Variants in POU2F3 observed in about 807,000 individuals in gnomAD.
POU2F3 encodes POU domain, class 2, transcription factor 3.
In POU2F3, 23 loss-of-function variants were observed where a neutral mutation model predicts 59.2. The observed-to-expected ratio is 0.39, with a 90% CI of 0.28 to 0.55. The LOEUF is 0.55. POU2F3 is among the 20% of genes least tolerant of loss of function. POU2F3 has a pLI of 0.66. For missense variants in POU2F3, 473 were observed against 544.5 expected (o/e 0.87, Z 1.31); for synonymous variants, 190 against 214.6 (o/e 0.89, Z 1.00).
chr11:120,275,934 C>T (rs898981033), intron 3 of POU2F3, among the ~76,000 whole-genome samples: 3 of 152,186 alleles, frequency 2.0e-5, no homozygotes, highest in Non-Finnish European at 4.4e-5. Flanking sequence ...CTAGCTGCTC[C>T]GAGTACAAAT....
chr11:120,282,516 C>T (rs1940611272), intron 3 of POU2F3, among the ~76,000 whole-genome samples: 1 of 152,146 alleles, frequency 6.6e-6, no homozygotes, highest in Non-Finnish European at 1.5e-5. Context: ...ACTAGCCAGG[C>T]ATGGTGGCGG....
intron 2 of POU2F3, among the ~76,000 whole-genome samples, chr11:120,248,919 G>C (rs1027489560): frequency 6.6e-6 from 1 of 152,172 alleles, no homozygotes; most frequent in African/African-American, 2.4e-5. Context: ...ATTAAGGGGT[G>C]GTTTGTCTCT....
In POU2F3 at chr11:120,318,506, T is replaced by C; in HGVS notation, c.*114T>C. On this transcript the variant is annotated 3_prime_UTR_variant, in exon 13 of 13. Transcript: ENST00000543440. Reference sequence around the variant, plus strand: ...CAGAAGAGTGGAAGAAAATCTCCACTATCAATGAACCCAGACTCTTGTCTT... The same window carrying C: ...CAGAAGAGTGGAAGAAAATCTCCACCATCAATGAACCCAGACTCTTGTCTT... 9.2e-7 allele frequency: 1 copy of C among 1,090,956 alleles called. No individual in the cohort carries two copies. The highest frequency in any genetic ancestry group is 1.4e-6 in the Non-Finnish European group (1 of 720,102). The allele number at this position is 1,090,956 out of a possible 1,614,324, so 67.6% of individuals were successfully genotyped here.
At chr11:120,251,884 T>C (rs1939118868) in intron 2 of POU2F3, among the ~76,000 whole-genome samples, 1 of 143,274 alleles carries the variant, frequency 7.0e-6, no homozygotes, top group African/African-American at 2.6e-5. Flanking sequence ...AACCTCTGCC[T>C]CCAGGGTTCA....
intron 2 of POU2F3, among the ~76,000 whole-genome samples, chr11:120,262,459 T>A (rs554667023): frequency 6.6e-6 from 1 of 152,356 alleles, no homozygotes; most frequent in African/African-American, 2.4e-5. Flanking sequence ...CTGGAATATT[T>A]TCTTTTAAAT....
chr11:120,269,336 G>C, intron 3 of POU2F3, 92 bp downstream of exon 3: 1 of 1,094,292 alleles, frequency 9.1e-7, no homozygotes, highest in Non-Finnish European at 1.4e-6. Context: ...ATTAAGTACA[G>C]TTTGGGGGTG....
intron 3 of POU2F3, among the ~76,000 whole-genome samples, chr11:120,270,050 G>A (rs559863941): frequency 7.9e-4 from 121 of 152,290 alleles, no homozygotes; most frequent in African/African-American, 2.8e-3. Flanking sequence ...TAGAGTGAGG[G>A]AGAGGGGTAA....
At chr11:120,275,039 A>G (rs1473650518) in intron 3 of POU2F3, among the ~76,000 whole-genome samples, 1 of 152,204 alleles carries the variant, frequency 6.6e-6, no homozygotes, top group African/African-American at 2.4e-5. Flanking sequence ...TGTCTGGTCC[A>G]CAGTGAGAGT....
At chr11:120,310,769 A>C (rs947235487) in intron 10 of POU2F3, among the ~76,000 whole-genome samples, 9 of 152,240 alleles carry the variant, frequency 5.9e-5, no homozygotes, top group African/African-American at 2.2e-4. Context: ...TTCTTTCACC[A>C]ACCAGCTACC....
At chr11:120,305,008 T>C in intron 6 of POU2F3, 22 bp from the exon 7 acceptor site, 1 of 1,524,434 alleles carries the variant, frequency 6.6e-7, no homozygotes, top group Non-Finnish European at 8.9e-7. Context: ...GTGGTGGATC[T>C]GCTTGGCGTG....
intron 6 of POU2F3, chr11:120,303,310 A>C (rs542328062): frequency 3.9e-5 from 6 of 152,352 alleles, no homozygotes; most frequent in East Asian, 1.9e-4. Context: ...GCTGGAAGAG[A>C]TCTTAGAATC....
chr11:120,272,269 A>T (rs977945252), intron 3 of POU2F3, among the ~76,000 whole-genome samples: 1 of 152,124 alleles, frequency 6.6e-6, no homozygotes, highest in Non-Finnish European at 1.5e-5. Context: ...AAGTTCACAC[A>T]ATTGGTTGAC....
At chr11:120,317,753 A>G (rs531112622) in intron 12 of POU2F3, among the ~76,000 whole-genome samples, 201 of 152,288 alleles carry the variant, frequency 1.3e-3, no homozygotes, top group Non-Finnish European at 2.6e-3. Context: ...GGCTTCAAAC[A>G]TGGCTGACAC....
At chr11:120,304,981 G>C in intron 6 of POU2F3, 49 bp from the exon 7 acceptor site, 1 of 658,738 alleles carries the variant, frequency 1.5e-6, no homozygotes. Flanking sequence ...ATCAGAAAAT[G>C]TTATTTATTG....
At chr11:120,317,169 C>T (rs1014826079) in intron 11 of POU2F3, 60 bp from the exon 12 acceptor site, 24 of 1,595,916 alleles carry the variant, frequency 1.5e-5, no homozygotes, top group African/African-American at 6.7e-5. Context: ...GGCTATGTCC[C>T]GATGTCCCGG....
chr11:120,255,147 C>T (rs1939282586), intron 2 of POU2F3, among the ~76,000 whole-genome samples: 1 of 152,170 alleles, frequency 6.6e-6, no homozygotes, highest in Non-Finnish European at 1.5e-5. Context: ...CCCACCACAG[C>T]CTAGCCCACC....
chr11:120,315,384 CCCCCT>C lies in POU2F3; in HGVS notation c.1094_1098del (p.Pro365LeufsTer43). On this transcript the variant is annotated frameshift_variant, in exon 11 of 13. Transcript: ENST00000543440. LOFTEE classifies it high-confidence loss of function. ...AGGTATCTCCCTCAGGGTCTCTGGG[CCCCCT>C]CTCTGTCCCTCCTGTCCACAGTACC... The C allele has an allele frequency of 6.2e-7, 1 of 1,613,682 alleles. No homozygotes were observed. The highest frequency in any genetic ancestry group is 8.5e-7 in the Non-Finnish European group (1 of 1,179,602).
intron 1 of POU2F3, among the ~76,000 whole-genome samples, chr11:120,244,284 A>G (rs1938783059): frequency 2.0e-5 from 3 of 152,176 alleles, no homozygotes. Flanking sequence ...CAAGGGGTTA[A>G]TGGAGGGGCA....
chr11:120,314,736 G>A (rs143674701), intron 10 of POU2F3, among the ~76,000 whole-genome samples: 2 of 152,222 alleles, frequency 1.3e-5, no homozygotes, highest in Non-Finnish European at 2.9e-5. Context: ...TTCCTGAATT[G>A]CATGGGAGGG....
Sources: allele counts gnomAD v4.1 joint callset (sites outside exome capture counted in the v4.1 genomes callset), GRCh38; gene constraint gnomAD v4.1.1; transcripts MANE v1.5; gene names NCBI Gene and HGNC (gene_info 2026-07-23, HGNC 2026-07-21).